Variants in SORBS2 observed in about 807,000 individuals in gnomAD.
SORBS2 encodes sorbin and SH3 domain containing 2, also known as sorbin and SH3 domain-containing protein 2.
In SORBS2, 46 loss-of-function variants were observed where a neutral mutation model predicts 97.7. That is an observed-to-expected ratio of 0.47 (90% confidence interval 0.37 to 0.60). SORBS2 has a LOEUF of 0.60. SORBS2 is among the 20% of genes least tolerant of loss of function. The pLI, the probability that SORBS2 is intolerant of heterozygous loss-of-function variation, is 0.00. For synonymous variants in SORBS2, 476 were observed against 473.4 expected, an observed-to-expected ratio of 1.01 and a Z score of -0.07; for missense variants, 1,316 against 1,282.3, an observed-to-expected ratio of 1.03 and a Z score of -0.40.
At chr4:185,953,210 A>G (rs753045958) in intron 1 of SORBS2, among the ~76,000 whole-genome samples, 14 of 152,222 alleles carry the variant, frequency 9.2e-5, no homozygotes, top group Non-Finnish European at 1.3e-4. Context: ...GCTACTAGGG[A>G]GGCTGATGCA....
At chr4:185,854,899 T>C (rs2099219931) in intron 1 of SORBS2, among the ~76,000 whole-genome samples, 1 of 152,180 alleles carries the variant, frequency 6.6e-6, no homozygotes, top group South Asian at 2.1e-4. Context: ...GAAACTCTCC[T>C]GTAACATTAA....
chr4:185,635,857 T>G (rs1040180499), intron 4 of SORBS2, among the ~76,000 whole-genome samples: 2 of 152,010 alleles, frequency 1.3e-5, no homozygotes, highest in Non-Finnish European at 2.9e-5. Flanking sequence ...TTATTTTATT[T>G]TATTTTATTT....
At chr4:185,798,999 C>G (rs998546684) in intron 1 of SORBS2, among the ~76,000 whole-genome samples, 1 of 152,096 alleles carries the variant, frequency 6.6e-6, no homozygotes, top group Non-Finnish European at 1.5e-5. Flanking sequence ...CCATTATTCC[C>G]TCACTGCTCC....
At chr4:185,700,752 G>T (rs1306557977) in intron 2 of SORBS2, among the ~76,000 whole-genome samples, 1 of 152,074 alleles carries the variant, frequency 6.6e-6, no homozygotes, top group East Asian at 1.9e-4. Context: ...CAACAAAATG[G>T]GATGTGGTGT....
At chr4:185,841,344 A>G (rs1481054992) in intron 1 of SORBS2, among the ~76,000 whole-genome samples, 2 of 152,158 alleles carry the variant, frequency 1.3e-5, no homozygotes, top group African/African-American at 2.4e-5. Context: ...TGGAGGTGAG[A>G]CATTCAGATA....
chr4:185,937,988 T>C (rs1481143280), intron 1 of SORBS2, among the ~76,000 whole-genome samples: 1 of 150,602 alleles, frequency 6.6e-6, no homozygotes, highest in Non-Finnish European at 1.5e-5. Context: ...GCCTGCCTCC[T>C]AGGTTTTAGA....
intron 1 of SORBS2, among the ~76,000 whole-genome samples, chr4:185,861,062 G>A (rs1167656977): frequency 2.0e-5 from 3 of 152,126 alleles, no homozygotes; most frequent in Non-Finnish European, 4.4e-5. Context: ...TACATTTTGG[G>A]GTAAAATACT....
At chr4:185,868,155 C>CTT (rs1431293135) in intron 1 of SORBS2, among the ~76,000 whole-genome samples, 1,118 of 99,714 alleles carry the variant, frequency 0.011, 32 homozygotes, top group African/African-American at 0.018. Context: ...TTCTTTTTTT[C>CTT]TTTCTTTTTT....
At chr4:185,955,626 C>G (rs1173178984) in intron 1 of SORBS2, among the ~76,000 whole-genome samples, 5 of 152,176 alleles carry the variant, frequency 3.3e-5, no homozygotes, top group Non-Finnish European at 7.3e-5. Context: ...ACGCTGATGA[C>G]TTTCGGACGA....
exon 11 of SORBS2, chr4:185,614,931 G>A: frequency 6.2e-7 from 1 of 1,614,154 alleles, no homozygotes; most frequent in South Asian, 1.1e-5. Flanking sequence ...TGGTCTTGCA[G>A]GCTGTGCTTT....
intron 12 of SORBS2, among the ~76,000 whole-genome samples, chr4:185,601,772 A>C (rs2096267376): frequency 6.6e-6 from 1 of 152,152 alleles, no homozygotes; most frequent in Non-Finnish European, 1.5e-5. Context: ...ATTAGGAAAA[A>C]TCAGGGCCTG....
intron 1 of SORBS2, among the ~76,000 whole-genome samples, chr4:185,904,271 A>G (rs914691573): frequency 3.9e-5 from 6 of 152,304 alleles, no homozygotes; most frequent in African/African-American, 1.4e-4. Context: ...GCGGGAAGGA[A>G]CGTCACAGGA....
At chr4:185,588,535 T>C (rs1190370468) in intron 14 of SORBS2, among the ~76,000 whole-genome samples, 1 of 151,580 alleles carries the variant, frequency 6.6e-6, no homozygotes, top group African/African-American at 2.4e-5. Context: ...CTTACTGCCT[T>C]GGTTTGATGG....
rs185265828 is a variant in SORBS2, at chr4:185,678,957, C to A, written c.-197-135G>T. ...AGTTTTAAAATCTGGGTATGTCAAA[C>A]ATGCCAAAGGGAGGCTTGTACATTT... On this transcript the variant is annotated intron_variant, in intron 2 of 20. Coordinates refer to the SORBS2 transcript ENST00000284776. 181 of 458,398 alleles carry A rather than the reference C, an allele frequency of 3.9e-4. 2 individuals carry two copies. In the East Asian group the frequency reaches 6.1e-3, roughly 15 times the overall value. The allele number at this position is 458,398 out of a possible 1,614,324, so 28.4% of individuals were successfully genotyped here. A position where few individuals can be genotyped will look rare whatever the true frequency, so the allele number is the denominator to read the frequency against.
At chr4:185,656,439 G>A (rs1357392429) in intron 1 of SORBS2, among the ~76,000 whole-genome samples, 1 of 138,624 alleles carries the variant, frequency 7.2e-6, no homozygotes, top group Non-Finnish European at 1.6e-5. Context: ...TCTTACCACG[G>A]CTTTTTTTTT....
chr4:185,662,118 T>A (rs562303521), exon 5 of SORBS2: 1 of 1,614,150 alleles, frequency 6.2e-7, no homozygotes, highest in South Asian at 1.1e-5. Context: ...GGATGTGCCG[T>A]GCTGCATGAC....
chr4:185,804,659 A>G (rs1447854239), intron 1 of SORBS2, among the ~76,000 whole-genome samples: 3 of 152,238 alleles, frequency 2.0e-5, no homozygotes, highest in African/African-American at 4.8e-5. Flanking sequence ...GTTAATATGC[A>G]TAAAACTCTT....
At chr4:185,848,493 A>C (rs1431427894) in intron 1 of SORBS2, among the ~76,000 whole-genome samples, 1 of 152,172 alleles carries the variant, frequency 6.6e-6, no homozygotes, top group African/African-American at 2.4e-5. Context: ...ATTCAAATGG[A>C]TGCAAATTTA....
At chr4:185,741,818 C>G (rs2098729161) in intron 2 of SORBS2, among the ~76,000 whole-genome samples, 5 of 152,200 alleles carry the variant, frequency 3.3e-5, no homozygotes, top group Admixed American at 3.3e-4. Context: ...AAATCATACA[C>G]TGGGCTGGTT....
Sources: allele counts gnomAD v4.1 joint callset (sites outside exome capture counted in the v4.1 genomes callset), GRCh38; gene constraint gnomAD v4.1.1; transcripts MANE v1.5; gene names NCBI Gene and HGNC (gene_info 2026-07-23, HGNC 2026-07-21).